MTR: variants seen among roughly 807,000 people sequenced by gnomAD.
The protein encoded by MTR is 5-methyltetrahydrofolate-homocysteine methyltransferase, also known as methionine synthase.
Under a neutral mutation model 154.8 loss-of-function variants are expected in MTR, and 84 were observed. That is an observed-to-expected ratio of 0.54 (90% confidence interval 0.45 to 0.65). The LOEUF is 0.65. Ranked by LOEUF, MTR falls within the 30% of genes least tolerant of loss-of-function variation. MTR has a pLI of 0.00. For synonymous variants in MTR, 554 were observed against 553.9 expected (o/e 1.00, Z 0.00); for missense variants, 1,275 against 1,570.2 (o/e 0.81, Z 3.18).
intron 27 of MTR, among the ~76,000 whole-genome samples, chr1:236,888,767 G>A (rs1424571725): frequency 1.3e-5 from 2 of 152,174 alleles, no homozygotes; most frequent in Admixed American, 6.5e-5. Context: ...CAATCTAGAT[G>A]ATTGTTTCCG....
At chr1:236,897,481 T>G in intron 32 of MTR, 77 bp from the exon 33 acceptor site, 1 of 1,345,784 alleles carries the variant, frequency 7.4e-7, no homozygotes, top group South Asian at 1.2e-5. Context: ...TTAATGTTTC[T>G]TGGCAAATCT....
chr1:236,890,021 C>A (rs1395452436), intron 28 of MTR, among the ~76,000 whole-genome samples: 1 of 152,062 alleles, frequency 6.6e-6, no homozygotes, highest in African/African-American at 2.4e-5. Context: ...ACACGGAATC[C>A]AAATGCAAAG....
Position 236,891,305 on chromosome 1 carries a change from C to T in MTR, c.3180C>T (p.Ala1060=), listed in dbSNP as rs1666305578. 6 of 1,614,136 alleles carry T rather than the reference C, an allele frequency of 3.7e-6. No individual in the cohort carries two copies. In the East Asian group the frequency reaches 1.3e-4, roughly 36 times the overall value. Residue 1060 remains alanine, a synonymous_variant, in exon 29 of 33, where the codon GCC becomes GCT. Transcript: ENST00000366577. ...AAVPQAAEPI[A]TFYGLRQQAE... ...TGCCCCAGGCTGCAGAGCCCATAGC[C>T]ACCTTCTATGGGTTAAGGCAACAGG...
At chr1:236,897,310 G>GCGCGCGCGCGCGCGCGCGCGCGCACACA in intron 32 of MTR, among the ~76,000 whole-genome samples, 192 bp downstream of exon 32, 5 of 128,612 alleles carry the variant, frequency 3.9e-5, no homozygotes, top group African/African-American at 5.5e-5. Flanking sequence ...CCACACACAC[G>GCGCGCGCGCGCGCGCGCGCGCGCACACA]CACACACACA....
At chr1:236,837,192 T>A (rs567502895) in intron 14 of MTR, among the ~76,000 whole-genome samples, 6 of 152,322 alleles carry the variant, frequency 3.9e-5, no homozygotes, top group African/African-American at 1.4e-4. Flanking sequence ...TGGCCTGGTG[T>A]TGTCATTGCA....
intron 18 of MTR, among the ~76,000 whole-genome samples, chr1:236,858,410 G>A (rs114544454): frequency 1.3e-5 from 2 of 152,154 alleles, no homozygotes; most frequent in African/African-American, 4.8e-5. Context: ...CGACGTGTGG[G>A]AATTGTGGGA....
At chr1:236,878,257 G>C (rs57065222) in intron 24 of MTR, among the ~76,000 whole-genome samples, 11,560 of 152,150 alleles carry the variant, frequency 0.076, 815 homozygotes, top group African/African-American at 0.18. Context: ...TCTCCTAGGA[G>C]AGCCACCTTT....
chr1:236,888,028 C>T (rs748822283), intron 27 of MTR, among the ~76,000 whole-genome samples: 12 of 152,138 alleles, frequency 7.9e-5, no homozygotes, highest in Non-Finnish European at 1.6e-4. Context: ...GGGATTGTCC[C>T]GTGTAGTAGA....
At chr1:236,897,310 G>GCGCGCGCGCGCGCGCGCACACACA in intron 32 of MTR, among the ~76,000 whole-genome samples, 192 bp downstream of exon 32, 24 of 128,678 alleles carry the variant, frequency 1.9e-4, no homozygotes, top group Non-Finnish European at 3.3e-4. Context: ...CCACACACAC[G>GCGCGCGCGCGCGCGCGCACACACA]CACACACACA....
In MTR at chr1:236,820,936, C is replaced by T. The variant is rs937858142; in HGVS notation, c.765-3183C>T. ...ATCTTTTCATATGCTTACTTGCTAT[C>T]TGTATATCTTCTTTGGTGAGGAGGC... On this transcript the variant is annotated intron_variant, in intron 8 of 32. Coordinates refer to ENST00000366577, the MANE Select transcript of MTR (RefSeq NM_000254.3). Among the ~76,000 whole-genome samples, 6 of 152,188 alleles carry T rather than the reference C, an allele frequency of 3.9e-5. 1 individual carries two copies. Among genetic ancestry groups the T allele is most frequent in the African/African-American group, 1.4e-4 (6 of 41,442 alleles).
At chr1:236,842,761 TAAC>T (rs1663329401) in intron 15 of MTR, among the ~76,000 whole-genome samples, 2 of 133,578 alleles carry the variant, frequency 1.5e-5, no homozygotes, top group Admixed American at 7.8e-5. Context: ...ACAAAGGGAA[TAAC>T]AAATTTAAAA....
At chr1:236,820,357 C>T (rs1342714149) in intron 8 of MTR, 20 of 763,924 alleles carry the variant, frequency 2.6e-5, no homozygotes, top group South Asian at 6.7e-5. Context: ...CACTGCTACT[C>T]GGCCTGAGGT....
Position 236,897,310 on chromosome 1 carries a change from G to GCGCGCGCGCGCACACACACACA in MTR, c.3711+193_3711+194insGCGCGCGCGCACACACACACAC. ...ACTTCTACATGCAAGCCACACACAC[G>GCGCGCGCGCGCACACACACACA]CACACACACACACACACACACACAC... On this transcript the variant is annotated intron_variant, in intron 32 of 32. Transcript: ENST00000366577. Among the ~76,000 whole-genome samples, 840 of 128,668 alleles carry GCGCGCGCGCGCACACACACACA rather than the reference G, an allele frequency of 6.5e-3. 14 individuals carry two copies. Among genetic ancestry groups the GCGCGCGCGCGCACACACACACA allele is most frequent in the Middle Eastern group, 0.024 (6 of 252 alleles). The allele number at this position is 128,668 out of a possible 152,430, so 84.4% of individuals were successfully genotyped here.
At chr1:236,877,333 A>T (rs1406941285) in intron 24 of MTR, among the ~76,000 whole-genome samples, 1 of 152,224 alleles carries the variant, frequency 6.6e-6, no homozygotes, top group Non-Finnish European at 1.5e-5. Flanking sequence ...TACAAAAGGG[A>T]ACCCACCCAT....
chr1:236,835,803 A>G (rs1024976913), intron 14 of MTR, 116 bp downstream of exon 14: 33 of 1,351,284 alleles, frequency 2.4e-5, no homozygotes, highest in East Asian at 1.4e-4. Flanking sequence ...CTGTTTCTCA[A>G]CATCGAAAAC....
chr1:236,807,057 G>A (rs1255004444), intron 3 of MTR, among the ~76,000 whole-genome samples: 4 of 152,244 alleles, frequency 2.6e-5, no homozygotes, highest in Admixed American at 2.0e-4. Flanking sequence ...TGTATATATA[G>A]CATGTATTCA....
At chr1:236,878,230 T>C (rs1355435734) in intron 24 of MTR, among the ~76,000 whole-genome samples, 6 of 152,166 alleles carry the variant, frequency 3.9e-5, no homozygotes, top group Non-Finnish European at 5.9e-5. Flanking sequence ...GCCTTTTGCA[T>C]CCAAATAAGT....
chr1:236,877,203 G>T (rs750520210), intron 24 of MTR, among the ~76,000 whole-genome samples: 1 of 152,208 alleles, frequency 6.6e-6, no homozygotes, highest in African/African-American at 2.4e-5. Flanking sequence ...AGTGGATGAG[G>T]TCTGCGATCT....
rs2853523 is a variant in MTR, at chr1:236,898,898, A to C, written c.*1254A>C. 0.72 allele frequency: 109,399 copies of C among 152,072 alleles called. 40,642 individuals carry two copies. The highest frequency in any genetic ancestry group is 0.91 in the African/African-American group (37,811 of 41,510). The allele number at this position is 152,072 out of a possible 1,614,324, so 9.4% of individuals were successfully genotyped here. On this transcript the variant is annotated 3_prime_UTR_variant, in exon 33 of 33. Coordinates refer to ENST00000366577, the MANE Select transcript of MTR (RefSeq NM_000254.3). ...ACTCAAGCAACAAGCCTCAAACTCA[A>C]CCATGTCATCTTTTTCTTGGATGAT...
Sources: allele counts gnomAD v4.1 joint callset (sites outside exome capture counted in the v4.1 genomes callset), GRCh38; gene constraint gnomAD v4.1.1; transcripts MANE v1.5; gene names NCBI Gene and HGNC (gene_info 2026-07-23, HGNC 2026-07-21).